Variants in NAA50 observed in about 807,000 individuals in gnomAD.
The protein encoded by NAA50 is N-alpha-acetyltransferase 50, NatE catalytic subunit.
Under a neutral mutation model 20.7 loss-of-function variants are expected in NAA50, and 7 were observed. The observed-to-expected ratio is 0.34, with a 90% CI of 0.19 to 0.63. The LOEUF (loss-of-function observed/expected upper bound fraction) is 0.63, where lower values mean the gene tolerates loss of function less well. Among genes scored for constraint, NAA50 ranks in the 30% least tolerant of loss-of-function variants. NAA50 has a pLI of 0.75. For synonymous variants in NAA50, 54 were observed against 70.6 expected, an observed-to-expected ratio of 0.77 and a Z score of 1.18; for missense variants, 111 against 199.1, an observed-to-expected ratio of 0.56 and a Z score of 2.66.
chr3:113,735,766 C>T (rs964268475), intron 1 of NAA50, among the ~76,000 whole-genome samples: 2 of 152,224 alleles, frequency 1.3e-5, no homozygotes, highest in African/African-American at 4.8e-5. Flanking sequence ...TTACTGCAAC[C>T]TCTGCCTCCC....
rs1708103738 is a variant in NAA50 at position 113,719,389 on chromosome 3, A to AT, written c.*2370dup. ...AAAAATATGATGGATATATCCTGTG[A>AT]TTTTCCAGTTAACAGAATTGTTCTA... On this transcript the variant is annotated 3_prime_UTR_variant, in exon 5 of 5. Transcript: ENST00000240922. 1.3e-5 allele frequency: 2 copies of AT among 152,618 alleles called. No homozygotes were observed. The highest frequency in any genetic ancestry group is 4.8e-5 in the African/African-American group (2 of 41,434). 9.5% of individuals were successfully genotyped at this position (152,618 alleles called of 1,614,324 possible).
At position 113,733,809 on chromosome 3, in the gene NAA50, C is replaced by T. The variant is rs545603111; in HGVS notation, c.9-9714G>A. Among the ~76,000 whole-genome samples, 11 of 131,298 alleles carry T rather than the reference C, an allele frequency of 8.4e-5. No individual in the cohort carries two copies. The South Asian group carries it at 2.1e-3, about 25-fold the overall frequency. 86.1% of individuals were successfully genotyped at this position (131,298 alleles called of 152,430 possible). On this transcript the variant is annotated intron_variant, in intron 1 of 4. Coordinates refer to ENST00000240922, the MANE Select transcript of NAA50 (RefSeq NM_025146.4). ...TGGAGGTTTCAGTGAGCTGAGATCA[C>T]GATGCTGCACTCCAGCCTGGGTGAC...
intron 1 of NAA50, among the ~76,000 whole-genome samples, chr3:113,737,325 A>G (rs147964419): frequency 1.3e-5 from 2 of 152,330 alleles, no homozygotes; most frequent in East Asian, 3.9e-4. Flanking sequence ...TTTCTTTGCT[A>G]GCAGTAATGT....
intron 1 of NAA50, among the ~76,000 whole-genome samples, chr3:113,724,963 T>C (rs777410641): frequency 6.6e-6 from 1 of 152,202 alleles, no homozygotes; most frequent in Non-Finnish European, 1.5e-5. Flanking sequence ...CCTGCGCAAC[T>C]GTGAGTCAAT....
intron 4 of NAA50, among the ~76,000 whole-genome samples, chr3:113,722,459 CTT>C (rs1259000094): frequency 2.6e-5 from 4 of 152,104 alleles, no homozygotes; most frequent in Non-Finnish European, 4.4e-5. Flanking sequence ...AGTCATAACT[CTT>C]TATCTACAGC....
chr3:113,722,861 C>T, intron 4 of NAA50, 45 bp downstream of exon 4: 1 of 1,473,724 alleles, frequency 6.8e-7, no homozygotes, highest in Middle Eastern at 1.7e-4. Flanking sequence ...TTTCTCCTGC[C>T]AATTAAACCC....
Position 113,723,644 on chromosome 3 carries a change from C to T in NAA50, c.146-103G>A, listed in dbSNP as rs569038574. On this transcript the variant is annotated intron_variant, in intron 2 of 4. Transcript: ENST00000240922. ...CACTGTTCCTATCAACATTAAATTT[C>T]ATCAACTATTTCATGAATATCAATG... 186 of 1,282,784 alleles carry T rather than the reference C, an allele frequency of 1.4e-4. 4 individuals are homozygous for T. The South Asian group carries it at 3.1e-3, about 21-fold the overall frequency. The allele number at this position is 1,282,784 out of a possible 1,614,324, so 79.5% of individuals were successfully genotyped here.
At position 113,724,175 on chromosome 3, in the gene NAA50, C is replaced by T. The variant is rs887563858; in HGVS notation, c.9-80G>A. ...TGAACATATGAAAGGGGTACCAAGT[C>T]TTTTTTACATGATTGATAAATCCAA... On this transcript the variant is annotated intron_variant, in intron 1 of 4. Transcript: ENST00000240922. 3.8e-6 allele frequency: 5 copies of T among 1,314,860 alleles called. No homozygotes were observed. The Admixed American group carries it at 1.1e-4, about 30-fold the overall frequency. The allele number at this position is 1,314,860 out of a possible 1,614,324, so 81.4% of individuals were successfully genotyped here.
rs1199451954 is a variant in NAA50 at position 113,717,709 on chromosome 3, G to A, written c.*4051C>T. ...ATCAGTGAGAACAGCATCAGTCTGA[G>A]ACAGACTAGTCTCCCCTCCCCACTG... On this transcript the variant is annotated 3_prime_UTR_variant, in exon 5 of 5. Coordinates refer to ENST00000240922, the MANE Select transcript of NAA50 (RefSeq NM_025146.4). 1.3e-5 allele frequency: 2 copies of A among 152,354 alleles called. No individual in the cohort carries two copies. The highest frequency in any genetic ancestry group is 1.9e-4 in the East Asian group (1 of 5,192). 9.4% of individuals were successfully genotyped at this position (152,354 alleles called of 1,614,324 possible).
chr3:113,730,930 G>A (rs1708263859), intron 1 of NAA50, among the ~76,000 whole-genome samples: 1 of 152,126 alleles, frequency 6.6e-6, no homozygotes, highest in African/African-American at 2.4e-5. Flanking sequence ...ATTTCTCTTA[G>A]TAAATACCTA....
At chr3:113,723,400 T>TAA in intron 3 of NAA50, 22 bp downstream of exon 3, 1 of 1,590,824 alleles carries the variant, frequency 6.3e-7, no homozygotes, top group Non-Finnish European at 8.6e-7. Flanking sequence ...TCTGAAGAAG[T>TAA]AAAAAAACCA....
chr3:113,745,648 T>C (rs1022562893), intron 1 of NAA50: 7 of 412,280 alleles, frequency 1.7e-5, no homozygotes, highest in African/African-American at 8.3e-5. Context: ...CGCTTCACAA[T>C]AGCCTTTCCA....
In NAA50 at chr3:113,720,233, A is replaced by G. The variant is rs188283678; in HGVS notation, c.*1527T>C. 3 of 152,676 alleles carry G rather than the reference A, an allele frequency of 2.0e-5. No homozygotes were observed. The highest frequency in any genetic ancestry group is 4.4e-5 in the Non-Finnish European group (3 of 68,004). 9.5% of individuals were successfully genotyped at this position (152,676 alleles called of 1,614,324 possible). On this transcript the variant is annotated 3_prime_UTR_variant, in exon 5 of 5. Coordinates refer to ENST00000240922, the MANE Select transcript of NAA50 (RefSeq NM_025146.4). ...AAAGTGTGCATAAACATTTTATAAA[A>G]TAATTTTGTCATTTAACATATTTGG...
At chr3:113,730,339 G>C (rs1708256690) in intron 1 of NAA50, among the ~76,000 whole-genome samples, 1 of 151,652 alleles carries the variant, frequency 6.6e-6, no homozygotes, top group South Asian at 2.1e-4. Flanking sequence ...TGATTTAGTT[G>C]ATTCAAGTCC....
At chr3:113,736,677 A>C (rs1234974714) in intron 1 of NAA50, among the ~76,000 whole-genome samples, 2 of 152,188 alleles carry the variant, frequency 1.3e-5, no homozygotes, top group African/African-American at 2.4e-5. Flanking sequence ...TGACTCCACA[A>C]AAGTGGGTCT....
Position 113,719,430 on chromosome 3 carries a change from TTATCA to T in NAA50, c.*2325_*2329del, listed in dbSNP as rs138415445. The T allele has an allele frequency of 4.1e-3, 619 of 152,718 alleles. 3 individuals are homozygous for T. The highest frequency in any genetic ancestry group is 0.014 in the African/African-American group (586 of 41,562). 9.5% of individuals were successfully genotyped at this position (152,718 alleles called of 1,614,324 possible). ...AATTGTTCTACTTCAAAGATAATTA[TTATCA>T]TATATCAAAATAACCAGCTCAACAT... On this transcript the variant is annotated 3_prime_UTR_variant, in exon 5 of 5. Transcript: ENST00000240922.
chr3:113,741,491 ATCATTT>A (rs1231488576), intron 1 of NAA50, among the ~76,000 whole-genome samples: 1 of 152,254 alleles, frequency 6.6e-6, no homozygotes. Context: ...ATGAAGGCCA[ATCATTT>A]GAATAATTGA....
intron 4 of NAA50, 120 bp downstream of exon 4, chr3:113,722,786 C>T: frequency 1.7e-6 from 2 of 1,177,698 alleles, no homozygotes; most frequent in Non-Finnish European, 2.3e-6. Flanking sequence ...TACTTTGTAA[C>T]AACTACTTCC....
intron 2 of NAA50, 137 bp from the exon 3 acceptor site, chr3:113,723,678 G>T: frequency 9.2e-7 from 1 of 1,088,548 alleles, no homozygotes; most frequent in Non-Finnish European, 1.3e-6. Flanking sequence ...TGATCTCAAA[G>T]CTCTTATGCC....
Sources: gnomAD v4.1 joint callset for allele counts (sites outside exome capture counted in the v4.1 genomes callset) on GRCh38, gnomAD v4.1.1 for gene constraint, MANE v1.5 for transcripts, NCBI Gene and HGNC (gene_info 2026-07-23, HGNC 2026-07-21) for gene names.